Variants in GUCY1A1 observed in about 807,000 individuals in gnomAD.
The protein encoded by GUCY1A1 is guanylate cyclase 1 soluble subunit alpha 1, also known as guanylate cyclase soluble subunit alpha-1.
Under a neutral mutation model 64.5 loss-of-function variants are expected in GUCY1A1, and 48 were observed. That is an observed-to-expected ratio of 0.74 (90% confidence interval 0.59 to 0.95). The LOEUF (loss-of-function observed/expected upper bound fraction) is 0.95, where lower values mean the gene tolerates loss of function less well. Among genes scored for constraint, GUCY1A1 ranks in the 40% least tolerant of loss-of-function variants. GUCY1A1 has a pLI of 0.00. For synonymous variants in GUCY1A1, 308 were observed against 303.4 expected, an observed-to-expected ratio of 1.02 and a Z score of -0.16; for missense variants, 804 against 825.3, an observed-to-expected ratio of 0.97 and a Z score of 0.32.
intron 2 of GUCY1A1, among the ~76,000 whole-genome samples, chr4:155,671,600 G>T (rs567244098): frequency 6.6e-6 from 1 of 152,280 alleles, no homozygotes; most frequent in African/African-American, 2.4e-5. Context: ...TTAATTCACA[G>T]AGGATGTTAA....
intron 1 of GUCY1A1, 40 bp from the exon 2 acceptor site, chr4:155,667,306 C>A (rs1241140704): frequency 6.6e-6 from 1 of 152,460 alleles, no homozygotes; most frequent in Non-Finnish European, 1.5e-5. Context: ...CCGCTCACTG[C>A]CTGCCACCCC....
chr4:155,717,079 G>A, intron 7 of GUCY1A1, 80 bp from the exon 8 acceptor site: 1 of 1,006,814 alleles, frequency 9.9e-7, no homozygotes. Context: ...TCTGCTATAT[G>A]ACTTAATTTC....
chr4:155,692,634 G>A (rs1729895987), intron 2 of GUCY1A1, among the ~76,000 whole-genome samples: 1 of 152,146 alleles, frequency 6.6e-6, no homozygotes, highest in Non-Finnish European at 1.5e-5. Context: ...CTTTTCATCT[G>A]CTCCTTAAGA....
chr4:155,674,309 G>T (rs1266240761), intron 2 of GUCY1A1, among the ~76,000 whole-genome samples: 2 of 150,350 alleles, frequency 1.3e-5, no homozygotes, highest in African/African-American at 5.0e-5. Flanking sequence ...AGCCAAGATT[G>T]CGCCACTGCA....
intron 3 of GUCY1A1, among the ~76,000 whole-genome samples, 157 bp from the exon 4 acceptor site, chr4:155,703,775 A>G (rs577218500): frequency 2.6e-5 from 4 of 152,348 alleles, no homozygotes; most frequent in South Asian, 4.1e-4. Flanking sequence ...AATCACTTCC[A>G]GTTTCCAAAG....
At chr4:155,685,559 G>A (rs900383779) in intron 2 of GUCY1A1, among the ~76,000 whole-genome samples, 17 of 149,134 alleles carry the variant, frequency 1.1e-4, no homozygotes, top group Admixed American at 2.7e-4. Context: ...CTCCTCCACC[G>A]CCTGAACCGC....
chr4:155,696,697 T>G (rs554026990), intron 2 of GUCY1A1, 59 bp from the exon 3 acceptor site: 1 of 540,690 alleles, frequency 1.8e-6, no homozygotes, highest in African/African-American at 1.9e-5. Context: ...TGTCTTTTTC[T>G]GTTTTCATCC....
rs1428141832 is a variant in GUCY1A1 at position 155,736,861 on chromosome 4, CCTT to C, written c.*6634_*6636del. The C allele has an allele frequency of 3.3e-5, 5 of 151,740 alleles. No homozygotes were observed. The highest frequency in any genetic ancestry group is 9.7e-5 in the African/African-American group (4 of 41,342). The allele number at this position is 151,740 out of a possible 1,614,324, so 9.4% of individuals were successfully genotyped here. On this transcript the variant is annotated 3_prime_UTR_variant, in exon 10 of 10. Coordinates refer to ENST00000506455, the MANE Select transcript of GUCY1A1 (RefSeq NM_001130682.3). Reference sequence around the variant, plus strand: ...TAGCTATTGGACCCTGCATTGAAAACCTTCTTAGTACTAACAACACTCCTTTTA... The same window carrying C: ...TAGCTATTGGACCCTGCATTGAAAACCTTAGTACTAACAACACTCCTTTTA...
intron 9 of GUCY1A1, among the ~76,000 whole-genome samples, chr4:155,726,406 C>T (rs779581530): frequency 1.3e-5 from 2 of 151,942 alleles, no homozygotes; most frequent in Non-Finnish European, 2.9e-5. Context: ...ATTTAGTCAA[C>T]GGTAGGGGCA....
intron 2 of GUCY1A1, among the ~76,000 whole-genome samples, chr4:155,680,622 G>A (rs899625374): frequency 6.6e-6 from 1 of 151,926 alleles, no homozygotes; most frequent in Non-Finnish European, 1.5e-5. Context: ...AAGCTTTACC[G>A]ATAACATAAA....
At chr4:155,676,178 G>A (rs1223038360) in intron 2 of GUCY1A1, among the ~76,000 whole-genome samples, 1 of 151,228 alleles carries the variant, frequency 6.6e-6, no homozygotes, top group Non-Finnish European at 1.5e-5. Flanking sequence ...AAACTGAAAG[G>A]CTCAGTATGT....
chr4:155,667,652 G>A (rs1037966241), intron 2 of GUCY1A1: 3 of 151,902 alleles, frequency 2.0e-5, no homozygotes, highest in Non-Finnish European at 4.4e-5. Flanking sequence ...GGCGCCCGAG[G>A]GAGGAGCACA....
At chr4:155,723,616 T>G (rs1734257173) in intron 9 of GUCY1A1, among the ~76,000 whole-genome samples, 1 of 150,216 alleles carries the variant, frequency 6.7e-6, no homozygotes, top group Admixed American at 6.7e-5. Context: ...ATCTTCTCCC[T>G]TCTTCTTCTG....
chr4:155,672,932 A>C (rs917340228), intron 2 of GUCY1A1, among the ~76,000 whole-genome samples: 1 of 152,074 alleles, frequency 6.6e-6, no homozygotes, highest in East Asian at 1.9e-4. Context: ...TACATGCTGG[A>C]CCTTTGTTAT....
At chr4:155,692,910 T>A (rs976966631) in intron 2 of GUCY1A1, among the ~76,000 whole-genome samples, 4 of 151,956 alleles carry the variant, frequency 2.6e-5, no homozygotes, top group African/African-American at 9.7e-5. Flanking sequence ...AATACAAAAA[T>A]TAGCTGGGCA....
chr4:155,695,370 C>T (rs1488477554), intron 2 of GUCY1A1, among the ~76,000 whole-genome samples: 1 of 151,874 alleles, frequency 6.6e-6, no homozygotes, highest in Non-Finnish European at 1.5e-5. Flanking sequence ...CCTAATTGAA[C>T]TTCAACTCTA....
At chr4:155,686,349 C>T (rs1019890258) in intron 2 of GUCY1A1, among the ~76,000 whole-genome samples, 8 of 151,864 alleles carry the variant, frequency 5.3e-5, no homozygotes, top group Non-Finnish European at 1.0e-4. Context: ...GGCGTGGTGG[C>T]GTGCGCCTGT....
At chr4:155,672,602 G>T (rs979487890) in intron 2 of GUCY1A1, among the ~76,000 whole-genome samples, 19 of 152,158 alleles carry the variant, frequency 1.2e-4, no homozygotes, top group South Asian at 6.2e-4. Flanking sequence ...GACAAGGATA[G>T]GTTCCTGTGA....
In GUCY1A1 at chr4:155,729,479, TA is replaced by T. The variant is rs1265079853; in HGVS notation, c.1872-548del. ...TAAGTAGAGTGGTGATATGTACAAT[TA>T]AATCTCATTTGAGTCCTACTAATCT... On this transcript the variant is annotated intron_variant, in intron 9 of 9. Transcript: ENST00000506455. 3.3e-5 allele frequency among the ~76,000 whole-genome samples: 5 copies of T among 152,004 alleles called. No homozygotes were observed. In the East Asian group the frequency reaches 9.7e-4, roughly 29 times the overall value.
Sources: gnomAD v4.1 joint callset for allele counts (sites outside exome capture counted in the v4.1 genomes callset) on GRCh38, gnomAD v4.1.1 for gene constraint, MANE v1.5 for transcripts, NCBI Gene and HGNC (gene_info 2026-07-23, HGNC 2026-07-21) for gene names.